The following ZNF358 variants were observed in gnomAD, a reference collection of about 807,000 sequenced individuals.
The protein encoded by ZNF358 is zinc finger protein 358.
ZNF358 carries 1 observed loss-of-function variant against 2.1 expected under a neutral mutation model. The ratio of observed to expected loss-of-function variants is 0.49; its 90% CI spans 0.17 to 2.30. ZNF358 has a LOEUF of 2.30. Among genes scored for constraint, ZNF358 ranks in the 30% most tolerant of loss-of-function variants. ZNF358 has a pLI of 0.26. For synonymous variants in ZNF358, 381 were observed against 359.7 expected, an observed-to-expected ratio of 1.06 and a Z score of -0.67; for missense variants, 665 against 806.8, an observed-to-expected ratio of 0.82 and a Z score of 2.13.
At position 7,519,356 on chromosome 19, in the gene ZNF358, G is replaced by C. The variant is rs757973566; in HGVS notation, c.114G>C (p.Pro38=). Reference sequence around the variant, plus strand: ...ACCCCAATCCTGAAGATCTGGACCCGGTTTCTGAAGACCCAGAGCCTGATC... The same window carrying C: ...ACCCCAATCCTGAAGATCTGGACCCCGTTTCTGAAGACCCAGAGCCTGATC... ...DLDPNPEDLD[P]VSEDPEPDPE... Residue 38 remains proline (P), a synonymous_variant, in exon 2 of 2, where the codon CCG becomes CCC. Coordinates refer to ENST00000597229, the MANE Select transcript of ZNF358 (RefSeq NM_018083.5). 58 of 1,613,342 alleles carry C rather than the reference G, an allele frequency of 3.6e-5. No homozygotes were observed. The highest frequency in any genetic ancestry group is 5.0e-5 in the Admixed American group (3 of 59,970).
At chr19:7,518,557 G>GAGAGAGAGAGAA (rs556101041) in intron 1 of ZNF358, among the ~76,000 whole-genome samples, 2 of 116,066 alleles carry the variant, frequency 1.7e-5, no homozygotes, top group Admixed American at 9.0e-5. Context: ...GAGAGAGAGA[G>GAGAGAGAGAGAA]AGAAAGAAAG....
At chr19:7,518,524 A>G (rs1452937359) in intron 1 of ZNF358, among the ~76,000 whole-genome samples, 1 of 121,798 alleles carries the variant, frequency 8.2e-6, no homozygotes, top group Admixed American at 9.1e-5. Context: ...GAAAAGAAGG[A>G]AGGAAGGAAA....
intron 1 of ZNF358, among the ~76,000 whole-genome samples, chr19:7,518,599 G>GAAAGAAAT (rs1239214321): frequency 1.1e-4 from 10 of 94,926 alleles, no homozygotes; most frequent in Admixed American, 3.1e-4. Context: ...AAGAAAGAAA[G>GAAAGAAAT]AATTGAAGTT....
chr19:7,518,599 G>GAAAGAAAGAAAC (rs1239214321), intron 1 of ZNF358, among the ~76,000 whole-genome samples: 1 of 94,928 alleles, frequency 1.1e-5, no homozygotes, highest in African/African-American at 3.0e-5. Flanking sequence ...AAGAAAGAAA[G>GAAAGAAAGAAAC]AATTGAAGTT....
rs147948386 is a variant in ZNF358 at position 7,520,720 on chromosome 19, C to T, written c.1478C>T (p.Ser493Phe). The T allele has an allele frequency of 3.1e-6, 5 of 1,613,796 alleles. No individual in the cohort carries two copies. Among genetic ancestry groups the T allele is most frequent in the Non-Finnish European group, 4.2e-6 (5 of 1,179,996 alleles). The change falls in exon 2 of 2, where the codon TCT (serine) becomes TTT (phenylalanine). Residue 493 changes from serine (S) to phenylalanine (F), a missense_variant. By Grantham distance (155) the Ser-to-Phe change is radical (BLOSUM62 -2). Transcript: ENST00000597229. The surrounding 1 kb of genome is among the most constrained non-coding windows in gnomAD (Gnocchi z 6.0). ...ACCCCCAGCCCTACTCCTGTGGAAT[C>T]TTCTGACCCAAAGGCTGGGCACGAC... The part of the protein sequence containing the change: ...RSTPSPTPVE[S>F]SDPKAGHDAG...
Position 7,516,397 on chromosome 19 carries a change from G to T in ZNF358, c.-39+148G>T, listed in dbSNP as rs1599243902. The T allele has an allele frequency of 6.6e-6, 1 of 151,642 alleles. No individual in the cohort carries two copies. Among genetic ancestry groups the T allele is most frequent in the African/African-American group, 2.4e-5 (1 of 41,338 alleles). 9.4% of individuals were successfully genotyped at this position (151,642 alleles called of 1,614,324 possible). ...GCCGCCGGCCCTGGCCCAGGCGAGC[G>T]GGGGTCGCGGGAGCGATGGGGAGGG... On this transcript the variant is annotated intron_variant, in intron 1 of 1. Transcript: ENST00000597229. The surrounding 1 kb of genome is among the most constrained non-coding windows in gnomAD (Gnocchi z 5.9).
At chr19:7,515,897 T>C (rs556783878), upstream of ZNF358, among the ~76,000 whole-genome samples, 38 of 151,748 alleles carry the variant, frequency 2.5e-4, no homozygotes, top group Admixed American at 6.5e-4. Flanking sequence ...ACAGAGGGAC[T>C]GAGACAGGCC....
At position 7,520,686 on chromosome 19, in the gene ZNF358, TCCAGATCCACCC is replaced by T. The variant is rs764779004; in HGVS notation, c.1449_1460del (p.Arg483_Pro486del). 6.2e-7 allele frequency: 1 copy of T among 1,613,294 alleles called. No individual in the cohort carries two copies. The highest frequency in any genetic ancestry group is 8.5e-7 in the Non-Finnish European group (1 of 1,179,740). ...TCCCAGCTCCAAACCCCTCCCCGGCTCCAGATCCACCCCCAGCCCTACTCCTGTGGAATCTTC... is the reference window on the plus strand; with the variant it reads ...TCCCAGCTCCAAACCCCTCCCCGGCTCCAGCCCTACTCCTGTGGAATCTTC... On this transcript the variant is annotated inframe_deletion, in exon 2 of 2. Coordinates refer to ENST00000597229, the MANE Select transcript of ZNF358 (RefSeq NM_018083.5). The surrounding 1 kb of genome is among the most constrained non-coding windows in gnomAD (Gnocchi z 6.0).
intron 1 of ZNF358, among the ~76,000 whole-genome samples, chr19:7,518,431 C>T (rs112247968): frequency 0.03 from 4,416 of 146,766 alleles, 224 homozygotes; most frequent in African/African-American, 0.11. Context: ...GGCAACATAG[C>T]GACACCCCAT....
chr19:7,520,886 C>G lies in ZNF358; in HGVS notation c.1644C>G (p.Leu548=). Residue 548 remains leucine (L), a synonymous_variant, in exon 2 of 2, where the codon CTC becomes CTG. Transcript: ENST00000597229. This position sits in a 1 kb window ranked among gnomAD's most constrained non-coding sequence, Gnocchi z 6.0. ...SPTRGTVSPA[L]PTGESPEWVQ... ...CTCGTGGCACTGTCAGCCCAGCCCT[C>G]CCTACCGGCGAGAGTCCAGAGTGGG... The G allele has an allele frequency of 6.2e-7, 1 of 1,614,092 alleles. No homozygotes were observed. The highest frequency in any genetic ancestry group is 8.5e-7 in the Non-Finnish European group (1 of 1,180,030).
Position 7,520,692 on chromosome 19 carries a change from T to C in ZNF358, c.1450T>C (p.Ser484Pro). ...PSSKPLPGSR[S>P]TPSPTPVESS... Reference sequence around the variant, plus strand: ...CTCCAAACCCCTCCCCGGCTCCAGATCCACCCCCAGCCCTACTCCTGTGGA... The same window carrying C: ...CTCCAAACCCCTCCCCGGCTCCAGACCCACCCCCAGCCCTACTCCTGTGGA... The change falls in exon 2 of 2, where the codon TCC becomes CCC. Residue 484 changes from serine (S) to proline (P), a missense_variant. By Grantham distance (74) the Ser-to-Pro change is moderately conservative (BLOSUM62 -1). This residue lies in a region of ZNF358 where 249 missense variants were observed against 227.6 expected (regional missense o/e 1.09). Coordinates refer to ENST00000597229, the MANE Select transcript of ZNF358 (RefSeq NM_018083.5). The surrounding 1 kb of genome is among the most constrained non-coding windows in gnomAD (Gnocchi z 6.0). 1 of 1,613,562 alleles carries C rather than the reference T, an allele frequency of 6.2e-7. No homozygotes were observed.
Position 7,519,350 on chromosome 19 carries a change from G to A in ZNF358, c.108G>A (p.Leu36=), listed in dbSNP as rs754416451. The stretch of plus-strand genomic sequence containing the variant: ...ACCTAGACCCCAATCCTGAAGATCT[G>A]GACCCGGTTTCTGAAGACCCAGAGC... ...SEDLDPNPED[L]DPVSEDPEPD... is the part of the protein sequence containing the mutation. Residue 36 remains leucine (L), a synonymous_variant, in exon 2 of 2, where the codon CTG becomes CTA. Coordinates refer to ENST00000597229, the MANE Select transcript of ZNF358 (RefSeq NM_018083.5). 6.2e-7 allele frequency: 1 copy of A among 1,613,502 alleles called. No individual in the cohort carries two copies. The highest frequency in any genetic ancestry group is 8.5e-7 in the Non-Finnish European group (1 of 1,179,486).
Position 7,516,658 on chromosome 19 carries a change from A to C in ZNF358, c.-39+409A>C, listed in dbSNP as rs1482368043. Among the ~76,000 whole-genome samples, 1 of 151,844 alleles carries C rather than the reference A, an allele frequency of 6.6e-6. No homozygotes were observed. The highest frequency in any genetic ancestry group is 1.5e-5 in the Non-Finnish European group (1 of 67,834). On this transcript the variant is annotated intron_variant, in intron 1 of 1. Coordinates refer to ENST00000597229, the MANE Select transcript of ZNF358 (RefSeq NM_018083.5). The surrounding 1 kb of genome is among the most constrained non-coding windows in gnomAD (Gnocchi z 5.9). Reference sequence around the variant, plus strand: ...CTGGAGTTCAGGAGGCCCTGTCCTCAAAAGGGGGACCTAGGGGTTCCCTCT... The same window carrying C: ...CTGGAGTTCAGGAGGCCCTGTCCTCCAAAGGGGGACCTAGGGGTTCCCTCT...
Position 7,516,340 on chromosome 19 carries a change from G to T in ZNF358, c.-39+91G>T, listed in dbSNP as rs1397118003. On this transcript the variant is annotated intron_variant, in intron 1 of 1. Transcript: ENST00000597229. This position sits in a 1 kb window ranked among gnomAD's most constrained non-coding sequence, Gnocchi z 5.9. The stretch of plus-strand genomic sequence containing the variant: ...GAGCTCCAGGCGCGGGGCGCAGCCC[G>T]GGGCGACCTCTAATCGTCCCCCGCC... 2 of 148,706 alleles carry T rather than the reference G, an allele frequency of 1.3e-5. No homozygotes were observed. The highest frequency in any genetic ancestry group is 4.9e-5 in the African/African-American group (2 of 40,888). 9.2% of individuals were successfully genotyped at this position (148,706 alleles called of 1,614,324 possible). A position where few individuals can be genotyped will look rare whatever the true frequency, so the allele number is the denominator to read the frequency against.
At chr19:7,519,166 A>C (rs2022410754) in intron 1 of ZNF358, 39 bp from the exon 2 acceptor site, 1 of 1,529,170 alleles carries the variant, frequency 6.5e-7, no homozygotes, top group Non-Finnish European at 8.7e-7. Context: ...GCTCCCACAG[A>C]ACCCACCTAC....
In ZNF358 at chr19:7,520,235, C is replaced by T. The variant is rs374872676; in HGVS notation, c.993C>T (p.Ser331=). ...ACTGCGGCAAAGCCTTCGGGCAGAGCTCCAACTTGCAACACCACCTGCGCA... is the reference window on the plus strand; with the variant it reads ...ACTGCGGCAAAGCCTTCGGGCAGAGTTCCAACTTGCAACACCACCTGCGCA... ...CPHCGKAFGQ[S]SNLQHHLRIH... is the part of the protein sequence containing the mutation. Residue 331 remains serine, a synonymous_variant, in exon 2 of 2, where the codon AGC becomes AGT. Transcript: ENST00000597229. The surrounding 1 kb of genome is among the most constrained non-coding windows in gnomAD (Gnocchi z 6.0). The T allele has an allele frequency of 1.2e-6, 2 of 1,607,350 alleles. No individual in the cohort carries two copies. The highest frequency in any genetic ancestry group is 1.7e-6 in the Non-Finnish European group (2 of 1,179,584).
chr19:7,516,039 A>G (rs1445471198), upstream of ZNF358: 1 of 141,272 alleles, frequency 7.1e-6, no homozygotes, highest in Non-Finnish European at 1.5e-5. This position sits in a 1 kb window ranked among gnomAD's most constrained non-coding sequence, Gnocchi z 5.9. Flanking sequence ...AGCGATGGCG[A>G]CGGCCGCGGC....
chr19:7,518,598 A>AGAAAGAAT (rs111382515), intron 1 of ZNF358, among the ~76,000 whole-genome samples: 12,667 of 141,308 alleles, frequency 0.09, 791 homozygotes, highest in Non-Finnish European at 0.12. Context: ...AAAGAAAGAA[A>AGAAAGAAT]GAATTGAAGT....
rs1173852622 is a variant in ZNF358 at position 7,520,287 on chromosome 19, T to A, written c.1045T>A (p.Cys349Ser). 3 of 1,610,520 alleles carry A rather than the reference T, an allele frequency of 1.9e-6. No homozygotes were observed. Among genetic ancestry groups the A allele is most frequent in the Non-Finnish European group, 2.5e-6 (3 of 1,179,604 alleles). The change falls in exon 2 of 2, where the codon TGC (cysteine) becomes AGC (serine). Residue 349 changes from cysteine (C) to serine (S), a missense_variant. By Grantham distance (112) the Cys-to-Ser change is moderately radical. Transcript: ENST00000597229. This position sits in a 1 kb window ranked among gnomAD's most constrained non-coding sequence, Gnocchi z 6.0. ...RIHTGERPYA[C>S]PHCSKAFGQS... ...CCACACGGGCGAGCGGCCCTACGCC[T>A]GCCCGCACTGCTCCAAGGCCTTCGG... is the stretch of plus-strand genomic sequence containing the variant.
Sources: gnomAD v4.1 joint callset for allele counts (sites outside exome capture counted in the v4.1 genomes callset) on GRCh38, gnomAD v4.1.1 for gene constraint, gnomAD v4.1.1 regional missense constraint, Gnocchi (gnomAD v3.1) non-coding constraint, MANE v1.5 for transcripts, NCBI Gene and HGNC (gene_info 2026-07-23, HGNC 2026-07-21) for gene names.